Variants in GRAMD2B observed in about 807,000 individuals in gnomAD.
GRAMD2B encodes the protein GRAM domain containing 2B.
Under a neutral mutation model 59.2 loss-of-function variants are expected in GRAMD2B, and 41 were observed. That is an observed-to-expected ratio of 0.69 (90% CI 0.54 to 0.90). The LOEUF (loss-of-function observed/expected upper bound fraction) is 0.90, where lower values mean the gene tolerates loss of function less well. Ranked by LOEUF, GRAMD2B falls within the 40% of genes least tolerant of loss-of-function variation. The probability of loss-of-function intolerance (pLI) is 0.00; values close to 1 mark genes in which losing one functional copy is unlikely to be tolerated. For missense variants in GRAMD2B, 424 were observed against 500.5 expected, an observed-to-expected ratio of 0.85 and a Z score of 1.46; for synonymous variants, 161 against 182.7, an observed-to-expected ratio of 0.88 and a Z score of 0.96.
chr5:126,424,540 G>T (rs1027857131), intron 1 of GRAMD2B, among the ~76,000 whole-genome samples: 1 of 152,112 alleles, frequency 6.6e-6, no homozygotes, highest in Non-Finnish European at 1.5e-5. Context: ...TTAGAAACCC[G>T]GTCTAACTTC....
intron 1 of GRAMD2B, among the ~76,000 whole-genome samples, chr5:126,410,145 T>C (rs1758650690): frequency 6.6e-6 from 1 of 152,176 alleles, no homozygotes; most frequent in African/African-American, 2.4e-5. Context: ...TTTGTTCTTT[T>C]GGCTTAGGAT....
In GRAMD2B at chr5:126,448,357, G is replaced by A. The variant is rs184292947; in HGVS notation, c.84-17069G>A. ...GTGCTTGCAAGGGACCACAGAGAAG[G>A]CATGGCAGCCCAGGAGGAGGGTGCT... On this transcript the variant is annotated intron_variant, in intron 1 of 13. Transcript: ENST00000285689. 2.7e-3 allele frequency among the ~76,000 whole-genome samples: 405 copies of A among 152,108 alleles called. 3 individuals carry two copies. Among genetic ancestry groups the A allele is most frequent in the Non-Finnish European group, 4.6e-3 (313 of 68,006 alleles).
At chr5:126,431,197 A>G (rs1161165882) in intron 1 of GRAMD2B, among the ~76,000 whole-genome samples, 1 of 151,932 alleles carries the variant, frequency 6.6e-6, no homozygotes, top group East Asian at 1.9e-4. Context: ...TTTTTAGACT[A>G]TCCAACTTTA....
chr5:126,391,051 T>A (rs1245191649), intron 1 of GRAMD2B, among the ~76,000 whole-genome samples: 1 of 151,898 alleles, frequency 6.6e-6, no homozygotes, highest in Non-Finnish European at 1.5e-5. Context: ...CTAATGTTAG[T>A]GGGATGATTT....
At chr5:126,409,940 T>TAGGGAATCCTTTCCCCTAAAA (rs1758622706) in intron 1 of GRAMD2B, among the ~76,000 whole-genome samples, 1 of 151,700 alleles carries the variant, frequency 6.6e-6, no homozygotes, top group African/African-American at 2.4e-5. Context: ...ATTTATTAAA[T>TAGGGAATCCTTTCCCCTAAAA]AGGGAATCCT....
chr5:126,431,896 G>C (rs1761623622), intron 1 of GRAMD2B, among the ~76,000 whole-genome samples: 1 of 152,102 alleles, frequency 6.6e-6, no homozygotes, highest in South Asian at 2.1e-4. Context: ...ATGAGGTTTT[G>C]ACATGGCTCT....
At chr5:126,444,393 T>C (rs897769126) in intron 1 of GRAMD2B, among the ~76,000 whole-genome samples, 4 of 152,248 alleles carry the variant, frequency 2.6e-5, no homozygotes, top group Non-Finnish European at 5.9e-5. Flanking sequence ...TTATGAATTA[T>C]TGTTTTGTAA....
chr5:126,468,466 T>C (rs1768880383), intron 2 of GRAMD2B, among the ~76,000 whole-genome samples: 1 of 152,124 alleles, frequency 6.6e-6, no homozygotes, highest in Middle Eastern at 3.2e-3. Context: ...TGTTTTCCTC[T>C]TCTATTTATT....
At chr5:126,405,683 A>C (rs1309943242) in intron 1 of GRAMD2B, among the ~76,000 whole-genome samples, 1 of 151,354 alleles carries the variant, frequency 6.6e-6, no homozygotes, top group East Asian at 1.9e-4. Context: ...CTCCTTGAGG[A>C]TATCCTTTTT....
intron 1 of GRAMD2B, among the ~76,000 whole-genome samples, chr5:126,440,718 A>G (rs888703050): frequency 6.6e-6 from 1 of 152,198 alleles, no homozygotes; most frequent in Admixed American, 6.5e-5. Context: ...GAAGTTATAA[A>G]GGGAAAGATG....
At chr5:126,476,718 G>C (rs1157679677) in intron 5 of GRAMD2B, among the ~76,000 whole-genome samples, 1 of 152,180 alleles carries the variant, frequency 6.6e-6, no homozygotes. Context: ...TGGTAAATAG[G>C]TATCAATAAT....
upstream of GRAMD2B, among the ~76,000 whole-genome samples, chr5:126,421,073 G>A (rs945246345): frequency 4.6e-5 from 7 of 152,170 alleles, no homozygotes; most frequent in Admixed American, 1.3e-4. Context: ...GGCTACCAGA[G>A]GCTGGGAGGA....
At chr5:126,398,767 T>C (rs1757580178) in intron 1 of GRAMD2B, among the ~76,000 whole-genome samples, 1 of 152,196 alleles carries the variant, frequency 6.6e-6, no homozygotes, top group Non-Finnish European at 1.5e-5. Context: ...AACTGCTTTT[T>C]CTGTATCTCA....
intron 1 of GRAMD2B, among the ~76,000 whole-genome samples, chr5:126,434,329 C>T (rs1307710262): frequency 2.0e-5 from 3 of 151,948 alleles, no homozygotes; most frequent in African/African-American, 7.3e-5. Context: ...TGTCCATGAG[C>T]TTAGGCAGTG....
At chr5:126,461,853 G>A (rs1767429046) in intron 1 of GRAMD2B, among the ~76,000 whole-genome samples, 1 of 152,178 alleles carries the variant, frequency 6.6e-6, no homozygotes, top group Non-Finnish European at 1.5e-5. Flanking sequence ...GGTGAAGTCA[G>A]GTTTAGTTGT....
chr5:126,380,115 C>G (rs1442092090), intron 1 of GRAMD2B, among the ~76,000 whole-genome samples: 4 of 152,108 alleles, frequency 2.6e-5, no homozygotes, highest in Non-Finnish European at 5.9e-5. Flanking sequence ...CAGTTTCATT[C>G]TTCTGCATGT....
Position 126,378,851 on chromosome 5 carries a change from A to T in GRAMD2B, c.125+7284A>T, listed in dbSNP as rs1390210326. ...TTGCCATTTTTTTCAGACCACCAAA[A>T]ATTGTTATTTTAAAAAATACACACT... On this transcript the variant is annotated intron_variant, in intron 1 of 8. Coordinates refer to the GRAMD2B transcript ENST00000506445. Among the ~76,000 whole-genome samples, 3 of 152,220 alleles carry T rather than the reference A, an allele frequency of 2.0e-5. No individual in the cohort carries two copies. In the East Asian group the frequency reaches 5.8e-4, roughly 29 times the overall value.
chr5:126,407,553 C>T (rs1349079197), intron 1 of GRAMD2B, among the ~76,000 whole-genome samples: 1 of 151,948 alleles, frequency 6.6e-6, no homozygotes, highest in Non-Finnish European at 1.5e-5. Flanking sequence ...TGGCTGAGAT[C>T]TAGTGAGTTA....
intron 1 of GRAMD2B, among the ~76,000 whole-genome samples, chr5:126,458,133 T>C (rs985475192): frequency 4.5e-4 from 69 of 152,324 alleles, no homozygotes; most frequent in African/African-American, 1.6e-3. Context: ...TGTTATTTCA[T>C]ATTTAAGAAT....
Sources: gnomAD v4.1 joint callset for allele counts (sites outside exome capture counted in the v4.1 genomes callset) on GRCh38, gnomAD v4.1.1 for gene constraint, MANE v1.5 for transcripts, NCBI Gene and HGNC (gene_info 2026-07-23, HGNC 2026-07-21) for gene names.